The following CTIF variants were observed in gnomAD, a reference collection of about 807,000 sequenced individuals.
The protein encoded by CTIF is cap binding complex dependent translation initiation factor.
In CTIF, 21 loss-of-function variants were observed where a neutral mutation model predicts 66.0. That is an observed-to-expected ratio of 0.32 (90% CI 0.23 to 0.46). The LOEUF (loss-of-function observed/expected upper bound fraction) is 0.46. CTIF is among the 20% of genes least tolerant of loss of function. The pLI is 1.00. For synonymous variants in CTIF, 345 were observed against 326.4 expected, an observed-to-expected ratio of 1.06 and a Z score of -0.62; for missense variants, 739 against 812.7, an observed-to-expected ratio of 0.91 and a Z score of 1.10.
intron 1 of CTIF, chr18:48,567,300 G>A (rs1347019759): frequency 1.3e-5 from 2 of 152,324 alleles, no homozygotes; most frequent in East Asian, 3.9e-4. Context: ...CAGATGGGTG[G>A]ACGTCCAGCA....
chr18:48,564,811 G>GA (rs1555646115), intron 1 of CTIF: 1 of 151,138 alleles, frequency 6.6e-6, no homozygotes, highest in Non-Finnish European at 1.5e-5. Context: ...GAGATGGGGG[G>GA]TCTCACCTTG....
intron 9 of CTIF, among the ~76,000 whole-genome samples, chr18:48,767,049 T>C (rs1351825528): frequency 6.6e-6 from 1 of 152,212 alleles, no homozygotes; most frequent in Admixed American, 6.5e-5. Context: ...CAGTTCAGCC[T>C]GTCTCCCCAT....
At chr18:48,714,356 G>A (rs1441917607) in intron 7 of CTIF, among the ~76,000 whole-genome samples, 2 of 152,192 alleles carry the variant, frequency 1.3e-5, no homozygotes, top group Non-Finnish European at 2.9e-5. Flanking sequence ...GGCACAGCCA[G>A]CATCTGTGCC....
intron 7 of CTIF, among the ~76,000 whole-genome samples, chr18:48,715,638 A>G (rs1406921565): frequency 6.6e-6 from 1 of 152,072 alleles, no homozygotes; most frequent in Non-Finnish European, 1.5e-5. Context: ...GCTGGGGAGG[A>G]TATTTTCTCT....
chr18:48,727,645 T>C (rs760435399), intron 7 of CTIF, among the ~76,000 whole-genome samples: 4 of 152,222 alleles, frequency 2.6e-5, no homozygotes, highest in Admixed American at 6.5e-5. Context: ...TTCTCTCCGC[T>C]GGGCTTCTGC....
intron 1 of CTIF, among the ~76,000 whole-genome samples, chr18:48,554,645 G>A (rs567495536): frequency 6.6e-6 from 1 of 152,398 alleles, no homozygotes; most frequent in East Asian, 1.9e-4. Context: ...CCTAACACCA[G>A]CTTTTCGGAG....
chr18:48,670,539 A>G, intron 5 of CTIF, 130 bp from the exon 6 acceptor site: 1 of 764,292 alleles, frequency 1.3e-6, no homozygotes, highest in Non-Finnish European at 2.3e-6. Context: ...TAGGTGGGAC[A>G]GCCCCTGCAG....
At chr18:48,792,545 A>G (rs1477315408) in intron 9 of CTIF, among the ~76,000 whole-genome samples, 1 of 152,190 alleles carries the variant, frequency 6.6e-6, no homozygotes, top group Non-Finnish European at 1.5e-5. Context: ...GCATAAAAGC[A>G]ATGGATCCAC....
At chr18:48,790,263 G>C (rs1203463252) in intron 9 of CTIF, among the ~76,000 whole-genome samples, 3 of 152,236 alleles carry the variant, frequency 2.0e-5, no homozygotes, top group Admixed American at 1.3e-4. Flanking sequence ...CCCAGACTGG[G>C]GAAATAGCTC....
chr18:48,770,549 G>A (rs1568204572), intron 9 of CTIF, among the ~76,000 whole-genome samples: 1 of 152,270 alleles, frequency 6.6e-6, no homozygotes, highest in African/African-American at 2.4e-5. Context: ...GTTGTTAGGA[G>A]CGTGGGTGGC....
chr18:48,631,458 C>G (rs1285170099), intron 2 of CTIF, among the ~76,000 whole-genome samples: 1 of 152,206 alleles, frequency 6.6e-6, no homozygotes, highest in Non-Finnish European at 1.5e-5. Flanking sequence ...AGTGAGACTC[C>G]GTCTCAAAAA....
In CTIF at chr18:48,758,272, C is replaced by G. The variant is rs1029361999; in HGVS notation, c.938C>G (p.Pro313Arg). 3.1e-6 allele frequency: 5 copies of G among 1,613,402 alleles called. No individual in the cohort carries two copies. The highest frequency in any genetic ancestry group is 3.3e-5 in the Admixed American group (2 of 59,998). ...CCGGTGGCTTCTGAGCGGCTGCCCC[C>G]ACAGCAGTCAGGGGGGCCAGAGGTT... ...LAPVASERLP[P>R]QQSGGPEVET... The change falls in exon 8 of 12, where the codon CCA becomes CGA. Residue 313 changes from proline to arginine, a missense_variant. Physicochemically the swap from Pro to Arg is moderately radical, Grantham distance 103. Around this residue, in one of 2 missense-constraint regions of CTIF, gnomAD observed 529 missense variants for 520.3 expected, o/e 1.02. Coordinates refer to ENST00000256413, the MANE Select transcript of CTIF (RefSeq NM_014772.3).
At chr18:48,756,502 A>G (rs1050511892) in intron 7 of CTIF, among the ~76,000 whole-genome samples, 5 of 152,266 alleles carry the variant, frequency 3.3e-5, no homozygotes, top group African/African-American at 7.2e-5. Flanking sequence ...ATGCAATGCA[A>G]TGAAGGTCTG....
At chr18:48,564,899 G>C (rs1347092873) in intron 1 of CTIF, 1 of 152,134 alleles carries the variant, frequency 6.6e-6, no homozygotes, top group Non-Finnish European at 1.5e-5. Flanking sequence ...GATTACAGAT[G>C]TGAGCCACCA....
At position 48,837,716 on chromosome 18, in the gene CTIF, C is replaced by A. The variant is rs2068844058; in HGVS notation, c.1528-19872C>A. On this transcript the variant is annotated intron_variant, in intron 10 of 11. Transcript: ENST00000256413. ...CCTAGGCCCCCACAGCCCTACATAGCCCTAAAATCAAAGAGTGAGGGCTGG... is the reference window on the plus strand; with the variant it reads ...CCTAGGCCCCCACAGCCCTACATAGACCTAAAATCAAAGAGTGAGGGCTGG... Among the ~76,000 whole-genome samples, 3 of 152,162 alleles carry A rather than the reference C, an allele frequency of 2.0e-5. No individual in the cohort carries two copies. The South Asian group carries it at 6.2e-4, about 32-fold the overall frequency.
intron 6 of CTIF, among the ~76,000 whole-genome samples, chr18:48,676,377 G>C (rs564558750): frequency 1.2e-4 from 19 of 152,350 alleles, no homozygotes; most frequent in African/African-American, 4.1e-4. Flanking sequence ...CAAACATTAT[G>C]TCTGCTGTCT....
chr18:48,603,154 A>ATGGATGGT (rs2090129046), intron 1 of CTIF, among the ~76,000 whole-genome samples: 1 of 143,264 alleles, frequency 7.0e-6, no homozygotes. Flanking sequence ...GGATGGATGG[A>ATGGATGGT]TGGATGGATG....
At chr18:48,840,514 A>G (rs1022999255) in intron 10 of CTIF, among the ~76,000 whole-genome samples, 2 of 152,222 alleles carry the variant, frequency 1.3e-5, no homozygotes, top group Non-Finnish European at 2.9e-5. Flanking sequence ...AAAGCCAAAC[A>G]AACTTCCAGG....
rs202196316 is a variant in CTIF at position 48,643,554 on chromosome 18, GT to G, written c.252+6874del. Among the ~76,000 whole-genome samples the G allele has an allele frequency of 9.8e-3, 1,492 of 152,276 alleles. 24 individuals are homozygous for G. The highest frequency in any genetic ancestry group is 0.035 in the African/African-American group (1,433 of 41,532). On this transcript the variant is annotated intron_variant, in intron 3 of 11. Transcript: ENST00000256413. ...AGATCAGATAATTTATTTATGGCCAGTTTTTAAAAAGAAAGGCAGAGGGAGA... is the reference window on the plus strand; with the variant it reads ...AGATCAGATAATTTATTTATGGCCAGTTTTAAAAAGAAAGGCAGAGGGAGA...
Sources: allele counts gnomAD v4.1 joint callset (sites outside exome capture counted in the v4.1 genomes callset), GRCh38; gene constraint gnomAD v4.1.1; regional missense constraint gnomAD v4.1.1; transcripts MANE v1.5; gene names NCBI Gene and HGNC (gene_info 2026-07-23, HGNC 2026-07-21).